The following PCDH11X variants were observed in gnomAD, a reference collection of about 807,000 sequenced individuals.
The protein encoded by PCDH11X is protocadherin 11 X-linked, also known as protocadherin-11 X-linked.
In PCDH11X, 18 loss-of-function variants were observed where a neutral mutation model predicts 53.3. That is an observed-to-expected ratio of 0.34 (90% CI 0.23 to 0.50). The LOEUF is 0.50. Ranked by LOEUF, PCDH11X falls within the 20% of genes least tolerant of loss-of-function variation. The probability of loss-of-function intolerance (pLI) is 0.98; values close to 1 mark genes in which losing one functional copy is unlikely to be tolerated. For missense variants in PCDH11X, 570 were observed against 1,032.4 expected (o/e 0.55, Z 6.14); for synonymous variants, 279 against 393.3 (o/e 0.71, Z 3.44).
At chrX:92,387,455 T>C (rs2071034036) in intron 8 of PCDH11X, among the ~76,000 whole-genome samples, 1 of 112,216 alleles carries the variant, frequency 8.9e-6, no homozygotes, top group South Asian at 3.6e-4. Context: ...TGCTCAAATA[T>C]GCTATAAAGC....
At chrX:92,087,480 G>C (rs1240116649) in intron 6 of PCDH11X, among the ~76,000 whole-genome samples, 1 of 110,988 alleles carries the variant, frequency 9.0e-6, no homozygotes, top group Admixed American at 9.7e-5. Flanking sequence ...AGGTCAACTT[G>C]TTTTTTGCTA....
At chrX:92,020,199 A>G (rs1487847671) in intron 6 of PCDH11X, among the ~76,000 whole-genome samples, 3 of 112,711 alleles carry the variant, frequency 2.7e-5, no homozygotes, top group African/African-American at 9.7e-5. Flanking sequence ...CGCAGCCAGC[A>G]TCACAGCTGC....
chrX:91,946,558 CATATATATAT>C lies in PCDH11X; in HGVS notation c.3033+67317_3033+67326del, dbSNP rs766671132. ...AATTTGGATTCAAACCTGTTTCCCT[CATATATATAT>C]ATATATATATATATATATATATATA... is the stretch of plus-strand genomic sequence containing the variant. On this transcript the variant is annotated intron_variant, in intron 6 of 10. Transcript: ENST00000682573. Among the ~76,000 whole-genome samples, 53 of 31,625 alleles carry C rather than the reference CATATATATAT, an allele frequency of 1.7e-3. No individual in the cohort carries two copies. The East Asian group carries it at 0.024, about 14-fold the overall frequency. 27.5% of individuals were successfully genotyped at this position (31,625 alleles called of 115,157 possible). A position where few individuals can be genotyped will look rare whatever the true frequency, so the allele number is the denominator to read the frequency against.
intron 7 of PCDH11X, among the ~76,000 whole-genome samples, chrX:92,250,981 G>C (rs2067450495): frequency 9.0e-6 from 1 of 110,875 alleles, no homozygotes; most frequent in Non-Finnish European, 1.9e-5. Context: ...GACACTTTAA[G>C]TAGGTGAATT....
intron 9 of PCDH11X, among the ~76,000 whole-genome samples, chrX:92,436,634 G>C (rs1264154475): frequency 9.0e-6 from 1 of 111,479 alleles, no homozygotes; most frequent in African/African-American, 3.3e-5. Flanking sequence ...ATATTATGCA[G>C]TCATACAAAT....
chrX:92,384,435 CAG>C (rs1159669515), intron 8 of PCDH11X, among the ~76,000 whole-genome samples: 1 of 112,063 alleles, frequency 8.9e-6, no homozygotes, highest in Non-Finnish European at 1.9e-5. Context: ...GCTGCCTAGA[CAG>C]AGCCGATTTA....
chrX:91,876,729 A>G (rs768225659), intron 5 of PCDH11X, 52 bp from the exon 6 acceptor site: 2 of 974,423 alleles, frequency 2.1e-6, no homozygotes, highest in East Asian at 8.1e-5. Flanking sequence ...TAATATTAAT[A>G]TATTAATTTA....
At chrX:92,421,617 G>C (rs776571924) in intron 9 of PCDH11X, among the ~76,000 whole-genome samples, 1 of 111,573 alleles carries the variant, frequency 9.0e-6, no homozygotes, top group African/African-American at 3.3e-5. Flanking sequence ...ATTCCTTTAG[G>C]TATATACCCA....
At chrX:92,260,567 C>T (rs1458201807) in intron 7 of PCDH11X, among the ~76,000 whole-genome samples, 1 of 110,512 alleles carries the variant, frequency 9.0e-6, no homozygotes. Flanking sequence ...GAGGGCACAC[C>T]TGATTTTTGG....
At chrX:92,426,909 A>G (rs2072130963) in intron 9 of PCDH11X, among the ~76,000 whole-genome samples, 1 of 110,786 alleles carries the variant, frequency 9.0e-6, no homozygotes, top group Non-Finnish European at 1.9e-5. Flanking sequence ...AATTTGGACA[A>G]TGTTTGGTAT....
At chrX:92,209,750 G>A (rs1301495252) in intron 7 of PCDH11X, among the ~76,000 whole-genome samples, 1 of 112,467 alleles carries the variant, frequency 8.9e-6, no homozygotes, top group African/African-American at 3.2e-5. Context: ...TATCCCCTCT[G>A]TACTGCCCTA....
At chrX:92,535,015 A>T (rs1158430133) in intron 10 of PCDH11X, among the ~76,000 whole-genome samples, 1 of 111,661 alleles carries the variant, frequency 9.0e-6, no homozygotes, top group Non-Finnish European at 1.9e-5. Context: ...CTAAAAAGTC[A>T]AAATACAACA....
intron 10 of PCDH11X, among the ~76,000 whole-genome samples, chrX:92,494,469 T>C (rs1352733460): frequency 9.2e-6 from 1 of 109,105 alleles, no homozygotes; most frequent in Non-Finnish European, 1.9e-5. Flanking sequence ...ATGAAGTGTA[T>C]GTCAGCGGGG....
chrX:92,367,329 C>A (rs1184039528), intron 8 of PCDH11X, among the ~76,000 whole-genome samples: 4 of 110,832 alleles, frequency 3.6e-5, no homozygotes, highest in Non-Finnish European at 7.6e-5. Flanking sequence ...TGCTTTTTTT[C>A]TTTCTTTCCA....
intron 7 of PCDH11X, among the ~76,000 whole-genome samples, chrX:92,257,026 TC>T (rs1235852141): frequency 8.9e-6 from 1 of 111,804 alleles, no homozygotes; most frequent in African/African-American, 3.2e-5. Flanking sequence ...TTAAATTGGC[TC>T]ATGGTTCTGC....
At chrX:92,021,804 C>T (rs753543369) in intron 6 of PCDH11X, among the ~76,000 whole-genome samples, 4 of 109,195 alleles carry the variant, frequency 3.7e-5, no homozygotes, top group Non-Finnish European at 7.6e-5. Flanking sequence ...GGAAGCCCAT[C>T]ATACTAACAG....
chrX:92,300,478 G>T (rs34779304), intron 8 of PCDH11X, among the ~76,000 whole-genome samples: 38 of 110,451 alleles, frequency 3.4e-4, no homozygotes, highest in Non-Finnish European at 6.4e-4. Context: ...TGTTGTTATT[G>T]TTGGTTTGTT....
chrX:92,475,502 T>C (rs1470259240), intron 10 of PCDH11X, among the ~76,000 whole-genome samples: 1 of 112,088 alleles, frequency 8.9e-6, no homozygotes, highest in Non-Finnish European at 1.9e-5. Flanking sequence ...CATGCCACTC[T>C]CTCATGCCCT....
chrX:92,344,566 T>A (rs2069843026), intron 8 of PCDH11X, among the ~76,000 whole-genome samples: 1 of 105,462 alleles, frequency 9.5e-6, no homozygotes. Flanking sequence ...TCCTTTACAT[T>A]TTCCATAGTT....
Sources: gnomAD v4.1 joint callset for allele counts (sites outside exome capture counted in the v4.1 genomes callset) on GRCh38, gnomAD v4.1.1 for gene constraint, MANE v1.5 for transcripts, NCBI Gene and HGNC (gene_info 2026-07-23, HGNC 2026-07-21) for gene names.